Variants in KCNK2 observed in about 807,000 individuals in gnomAD.
The protein encoded by KCNK2 is potassium channel subfamily K member 2.
In KCNK2, 21 loss-of-function variants were observed where a neutral mutation model predicts 40.5. The ratio of observed to expected loss-of-function variants is 0.52; its 90% CI spans 0.37 to 0.75. KCNK2 has a LOEUF of 0.75. Among genes scored for constraint, KCNK2 ranks in the 30% least tolerant of loss-of-function variants. The pLI is 0.00. For synonymous variants in KCNK2, 191 were observed against 202.2 expected (o/e 0.94, Z 0.47); for missense variants, 399 against 531.6 (o/e 0.75, Z 2.45).
chr1:215,090,260 G>T (rs570778028), intron 2 of KCNK2, among the ~76,000 whole-genome samples: 5 of 152,250 alleles, frequency 3.3e-5, no homozygotes, highest in African/African-American at 1.2e-4. Context: ...GTAATAGGTA[G>T]GTGCCTTATT....
intron 1 of KCNK2, among the ~76,000 whole-genome samples, chr1:215,065,417 A>G (rs1658505337): frequency 6.6e-6 from 1 of 152,190 alleles, no homozygotes; most frequent in African/African-American, 2.4e-5. Flanking sequence ...AAAAAAAAGA[A>G]AAGGAAGAAG....
intron 1 of KCNK2, among the ~76,000 whole-genome samples, chr1:215,050,140 T>G (rs1160048126): frequency 1.3e-5 from 2 of 152,194 alleles, no homozygotes; most frequent in African/African-American, 2.4e-5. Context: ...CATGAAATTC[T>G]ACTTTTTGTC....
At chr1:215,083,680 AC>A (rs1659289119) in intron 1 of KCNK2, 2 of 576,226 alleles carry the variant, frequency 3.5e-6, no homozygotes, top group South Asian at 4.2e-5. Flanking sequence ...GGTTTGGAAC[AC>A]CTTGGGGGAG....
chr1:215,185,276 C>T (rs949491225), intron 5 of KCNK2, among the ~76,000 whole-genome samples: 1 of 152,058 alleles, frequency 6.6e-6, no homozygotes, highest in African/African-American at 2.4e-5. Flanking sequence ...ATCACTATCT[C>T]CTTAACTTAT....
chr1:215,135,127 A>T (rs1272570486), intron 3 of KCNK2, among the ~76,000 whole-genome samples: 1 of 152,178 alleles, frequency 6.6e-6, no homozygotes, highest in East Asian at 1.9e-4. Context: ...GTACATATTG[A>T]TGCAGACTAG....
chr1:215,112,498 G>A (rs1406811018), intron 2 of KCNK2, among the ~76,000 whole-genome samples: 1 of 152,000 alleles, frequency 6.6e-6, no homozygotes, highest in Admixed American at 6.6e-5. Flanking sequence ...TTTACAATTA[G>A]CTAAGGCTAA....
intron 1 of KCNK2, among the ~76,000 whole-genome samples, chr1:215,026,309 T>C (rs1431740914): frequency 6.6e-6 from 1 of 152,086 alleles, no homozygotes; most frequent in Non-Finnish European, 1.5e-5. Flanking sequence ...TTGTTTACTG[T>C]CTTTATTAAT....
chr1:215,022,431 A>G (rs1303196882), intron 1 of KCNK2, among the ~76,000 whole-genome samples: 2 of 149,092 alleles, frequency 1.3e-5, no homozygotes, highest in Non-Finnish European at 3.0e-5. Context: ...CTGCTTGGCA[A>G]TTTATGAGCT....
At chr1:215,085,496 A>G (rs536954702) in intron 1 of KCNK2, among the ~76,000 whole-genome samples, 7 of 152,336 alleles carry the variant, frequency 4.6e-5, no homozygotes, top group African/African-American at 1.2e-4. Flanking sequence ...CTATATGGCA[A>G]TTTGTTAGGG....
intron 5 of KCNK2, among the ~76,000 whole-genome samples, chr1:215,181,967 T>C (rs1436455941): frequency 2.0e-5 from 3 of 152,172 alleles, no homozygotes; most frequent in African/African-American, 7.2e-5. Flanking sequence ...CCACTGAGTG[T>C]CCAGAAGTGC....
Position 215,235,737 on chromosome 1 carries a change from T to C in KCNK2, c.*592T>C, listed in dbSNP as rs1214418123. 3 of 152,590 alleles carry C rather than the reference T, an allele frequency of 2.0e-5. No individual in the cohort carries two copies. The highest frequency in any genetic ancestry group is 7.2e-5 in the African/African-American group (3 of 41,418). The allele number at this position is 152,590 out of a possible 1,614,324, so 9.5% of individuals were successfully genotyped here. A position where few individuals can be genotyped will look rare whatever the true frequency, so the allele number is the denominator to read the frequency against. ...CCCCAGTTCTCCCATTTGAATACCA[T>C]ACCTTGCTGGAAACAGTGTGTAAAA... is the stretch of plus-strand genomic sequence containing the variant. On this transcript the variant is annotated 3_prime_UTR_variant, in exon 7 of 7. Transcript: ENST00000444842.
At chr1:215,229,893 C>G (rs544018042) in intron 6 of KCNK2, among the ~76,000 whole-genome samples, 1 of 151,432 alleles carries the variant, frequency 6.6e-6, no homozygotes, top group East Asian at 1.9e-4. Context: ...GATGTTTAGG[C>G]CTTAGAAGTA....
rs141471206 is a variant in KCNK2 at position 215,112,934 on chromosome 1, C to T, written c.358-11699C>T. Among the ~76,000 whole-genome samples the T allele has an allele frequency of 5.9e-4, 90 of 152,228 alleles. 1 individual carries two copies. Among genetic ancestry groups the T allele is most frequent in the Admixed American group, 4.6e-3 (71 of 15,286 alleles). ...TTCTCAGTATCACATTTCTCACTATCGCAAACTGACAGAATACAGTGTAGT... is the reference window on the plus strand; with the variant it reads ...TTCTCAGTATCACATTTCTCACTATTGCAAACTGACAGAATACAGTGTAGT... On this transcript the variant is annotated intron_variant, in intron 2 of 6. Coordinates refer to ENST00000444842, the MANE Select transcript of KCNK2 (RefSeq NM_001017425.3).
rs1666550450 is a variant in KCNK2 at position 215,229,901 on chromosome 1, GTAA to G, written c.964-4923_964-4921del. On this transcript the variant is annotated intron_variant, in intron 6 of 6. Coordinates refer to ENST00000444842, the MANE Select transcript of KCNK2 (RefSeq NM_001017425.3). ...TCTAAAAGATGTTTAGGCCTTAGAA[GTAA>G]TAAATAATTAAAGCACCCTTGGCAA... is the stretch of plus-strand genomic sequence containing the variant. Among the ~76,000 whole-genome samples, 5 of 151,568 alleles carry G rather than the reference GTAA, an allele frequency of 3.3e-5. 2 individuals carry two copies. In the Middle Eastern group the frequency reaches 0.014, roughly 415 times the overall value.
At chr1:215,068,830 G>A (rs1221390055) in intron 1 of KCNK2, among the ~76,000 whole-genome samples, 1 of 151,940 alleles carries the variant, frequency 6.6e-6, no homozygotes, top group African/African-American at 2.4e-5. Context: ...CCTTCCTGGG[G>A]CCCTTATTGT....
intron 5 of KCNK2, among the ~76,000 whole-genome samples, chr1:215,177,832 T>A (rs1158474706): frequency 2.7e-5 from 4 of 150,204 alleles, no homozygotes; most frequent in African/African-American, 9.7e-5. Context: ...TCCAGCTTTT[T>A]TTTTTTAGGA....
chr1:215,176,209 T>C (rs1571696941), intron 5 of KCNK2, among the ~76,000 whole-genome samples: 1 of 152,136 alleles, frequency 6.6e-6, no homozygotes, highest in Non-Finnish European at 1.5e-5. Flanking sequence ...AGATGATATC[T>C]CATTGTGGTT....
At chr1:215,179,772 A>G (rs1426358048) in intron 5 of KCNK2, among the ~76,000 whole-genome samples, 1 of 152,090 alleles carries the variant, frequency 6.6e-6, no homozygotes. Flanking sequence ...GATTTGCTTT[A>G]TGGCTGAGCA....
At chr1:215,204,014 G>A (rs1665195995) in intron 6 of KCNK2, among the ~76,000 whole-genome samples, 2 of 125,680 alleles carry the variant, frequency 1.6e-5, no homozygotes, top group Admixed American at 2.0e-4. Flanking sequence ...CTCCAGCCTG[G>A]GCGATAGAGC....
Sources: allele counts gnomAD v4.1 joint callset (sites outside exome capture counted in the v4.1 genomes callset), GRCh38; gene constraint gnomAD v4.1.1; transcripts MANE v1.5; gene names NCBI Gene and HGNC (gene_info 2026-07-23, HGNC 2026-07-21).